Variants in PTPRD observed in about 807,000 individuals in gnomAD.
PTPRD encodes protein tyrosine phosphatase receptor type D, also known as receptor-type tyrosine-protein phosphatase delta.
PTPRD carries 34 observed loss-of-function variants against 214.5 expected under a neutral mutation model. The ratio of observed to expected loss-of-function variants is 0.16; its 90% confidence interval spans 0.12 to 0.21. The LOEUF is 0.21. PTPRD is among the 10% of genes least tolerant of loss of function. PTPRD has a pLI of 1.00. For missense variants in PTPRD, 2,545 were observed against 2,398.7 expected, an observed-to-expected ratio of 1.06 and a Z score of -1.27; for synonymous variants, 1,128 against 845.7, an observed-to-expected ratio of 1.33 and a Z score of -5.79.
At chr9:10,466,633 A>C (rs78364891) in intron 2 of PTPRD, among the ~76,000 whole-genome samples, 1 of 107,896 alleles carries the variant, frequency 9.3e-6, no homozygotes, top group Non-Finnish European at 2.2e-5. Flanking sequence ...CAAAAAAAAA[A>C]AAAAAAAAAA....
intron 39 of PTPRD, among the ~76,000 whole-genome samples, chr9:8,359,734 C>G (rs769602624): frequency 6.6e-6 from 1 of 152,176 alleles, no homozygotes; most frequent in Non-Finnish European, 1.5e-5. Flanking sequence ...GGTGGAGAGA[C>G]TCAGGAACAG....
In PTPRD at chr9:9,607,374, C is replaced by G. The variant is rs80055766; in HGVS notation, c.-286-32593G>C. On this transcript the variant is annotated intron_variant, in intron 7 of 45. Coordinates refer to ENST00000381196, the MANE Select transcript of PTPRD (RefSeq NM_002839.4). ...TTTAGTTCATACTATGCACTGGACACTATATGCTCCACGAATCTAACAAAT... is the reference window on the plus strand; with the variant it reads ...TTTAGTTCATACTATGCACTGGACAGTATATGCTCCACGAATCTAACAAAT... Among the ~76,000 whole-genome samples, 1,216 of 152,174 alleles carry G rather than the reference C, an allele frequency of 8.0e-3. 16 individuals are homozygous for G. The highest frequency in any genetic ancestry group is 0.028 in the African/African-American group (1,159 of 41,510).
In PTPRD at chr9:9,436,996, C is replaced by T. The variant is rs542659528; in HGVS notation, c.-236-39514G>A. 4.5e-4 allele frequency among the ~76,000 whole-genome samples: 68 copies of T among 152,232 alleles called. 1 individual carries two copies. Among genetic ancestry groups the T allele is most frequent in the African/African-American group, 1.6e-3 (65 of 41,546 alleles). Reference sequence around the variant, plus strand: ...TGACTACTTTCTTCACCCTTCTATCCGTTGTTTGTGTTATGTAGTACAATG... The same window carrying T: ...TGACTACTTTCTTCACCCTTCTATCTGTTGTTTGTGTTATGTAGTACAATG... On this transcript the variant is annotated intron_variant, in intron 8 of 45. Transcript: ENST00000381196.
intron 7 of PTPRD, among the ~76,000 whole-genome samples, chr9:9,717,273 G>A (rs1237464548): frequency 6.6e-6 from 1 of 152,232 alleles, no homozygotes; most frequent in Non-Finnish European, 1.5e-5. Context: ...ATAGTTTGAA[G>A]TCAGGTAGCG....
intron 33 of PTPRD, chr9:8,454,491 C>T: frequency 7.1e-7 from 1 of 1,404,140 alleles, no homozygotes; most frequent in Non-Finnish European, 1.0e-6. Flanking sequence ...TTGTGTGCAG[C>T]CCCGCCCTCC....
At chr9:10,010,065 T>G (rs2154104419) in intron 4 of PTPRD, among the ~76,000 whole-genome samples, 1 of 151,980 alleles carries the variant, frequency 6.6e-6, no homozygotes, top group African/African-American at 2.4e-5. Context: ...GGCTTGGAAT[T>G]TTATTTTTGA....
chr9:8,736,264 C>T (rs542381747), intron 11 of PTPRD, among the ~76,000 whole-genome samples: 2 of 152,086 alleles, frequency 1.3e-5, no homozygotes, highest in Non-Finnish European at 2.9e-5. Flanking sequence ...CTATAGAACC[C>T]TCAATAAATC....
At chr9:10,237,046 G>C (rs2099631322) in intron 3 of PTPRD, among the ~76,000 whole-genome samples, 1 of 151,836 alleles carries the variant, frequency 6.6e-6, no homozygotes, top group African/African-American at 2.4e-5. Flanking sequence ...TCCACACAAA[G>C]TACAATACCA....
intron 11 of PTPRD, among the ~76,000 whole-genome samples, chr9:8,949,693 CTTTA>C (rs1205329072): frequency 2.6e-5 from 4 of 152,058 alleles, no homozygotes; most frequent in African/African-American, 4.8e-5. Context: ...TCTTAATATT[CTTTA>C]TTTAATAATT....
At chr9:8,413,911 G>T (rs949974903) in intron 35 of PTPRD, among the ~76,000 whole-genome samples, 1 of 151,500 alleles carries the variant, frequency 6.6e-6, no homozygotes, top group Non-Finnish European at 1.5e-5. Context: ...TTAAATATTA[G>T]AAAAAAAATC....
At chr9:10,118,408 A>C (rs1191391737) in intron 3 of PTPRD, among the ~76,000 whole-genome samples, 3 of 151,716 alleles carry the variant, frequency 2.0e-5, no homozygotes, top group Non-Finnish European at 3.0e-5. Context: ...AAGTGCATAA[A>C]AGCACCTAGT....
intron 11 of PTPRD, among the ~76,000 whole-genome samples, chr9:8,988,086 C>T (rs1430693185): frequency 1.3e-5 from 2 of 151,600 alleles, no homozygotes; most frequent in African/African-American, 4.8e-5. Context: ...TAGATGCTTC[C>T]CAAGAATAGT....
intron 12 of PTPRD, among the ~76,000 whole-genome samples, chr9:8,657,661 T>G (rs1392876385): frequency 6.6e-6 from 1 of 152,234 alleles, no homozygotes; most frequent in East Asian, 1.9e-4. Flanking sequence ...CATCAATTTT[T>G]GCTTTTGTTG....
intron 10 of PTPRD, among the ~76,000 whole-genome samples, chr9:9,084,479 C>G (rs376969166): frequency 6.6e-6 from 1 of 152,006 alleles, no homozygotes; most frequent in East Asian, 1.9e-4. Flanking sequence ...GTTCAGCAAA[C>G]CACCAGGGCA....
intron 3 of PTPRD, among the ~76,000 whole-genome samples, chr9:10,038,965 A>G (rs1473725674): frequency 6.6e-6 from 1 of 151,958 alleles, no homozygotes. Flanking sequence ...GATTCCAAAC[A>G]CTTTATTCTT....
intron 11 of PTPRD, among the ~76,000 whole-genome samples, chr9:8,783,227 T>C (rs974219309): frequency 1.3e-5 from 2 of 152,166 alleles, no homozygotes; most frequent in Non-Finnish European, 2.9e-5. Flanking sequence ...TGTAATTATA[T>C]AAAAAAGTTG....
intron 5 of PTPRD, among the ~76,000 whole-genome samples, chr9:9,855,919 G>C (rs1039410719): frequency 6.6e-6 from 1 of 152,124 alleles, no homozygotes; most frequent in African/African-American, 2.4e-5. Context: ...GCTCTCTACC[G>C]GTGAGGGTAA....
chr9:10,000,438 C>A (rs562533413), intron 4 of PTPRD, among the ~76,000 whole-genome samples: 73 of 152,238 alleles, frequency 4.8e-4, no homozygotes, highest in African/African-American at 1.6e-3. Flanking sequence ...GCCATTCTTC[C>A]AAGTACCCTT....
At chr9:9,127,981 T>A (rs2099836654) in intron 10 of PTPRD, among the ~76,000 whole-genome samples, 1 of 152,184 alleles carries the variant, frequency 6.6e-6, no homozygotes, top group Non-Finnish European at 1.5e-5. Flanking sequence ...TCTATTAACC[T>A]TGATACCTTC....
Sources: allele counts gnomAD v4.1 joint callset (sites outside exome capture counted in the v4.1 genomes callset), GRCh38; gene constraint gnomAD v4.1.1; transcripts MANE v1.5; gene names NCBI Gene and HGNC (gene_info 2026-07-23, HGNC 2026-07-21).